SAMMSON: variants seen among roughly 807,000 people sequenced by gnomAD.
The protein encoded by SAMMSON is survival associated mitochondrial melanoma specific oncogenic non-coding RNA.
chr3:70,404,360 G>T (rs1385000445), intron 2 of SAMMSON, among the ~76,000 whole-genome samples: 2 of 152,040 alleles, frequency 1.3e-5, no homozygotes, highest in African/African-American at 4.8e-5. Flanking sequence ...AAACATTAAT[G>T]GACATTATAT....
intron 3 of SAMMSON, among the ~76,000 whole-genome samples, chr3:70,049,441 G>A (rs989081724): frequency 7.9e-5 from 12 of 152,278 alleles, no homozygotes; most frequent in African/African-American, 2.9e-4. Context: ...AATGATTAAT[G>A]ATACAGGCTT....
chr3:70,136,340 C>T (rs2067505700), intron 4 of SAMMSON, among the ~76,000 whole-genome samples: 1 of 152,270 alleles, frequency 6.6e-6, no homozygotes, highest in African/African-American at 2.4e-5. Flanking sequence ...TTTGTACCCT[C>T]ATCCTGGGGG....
At chr3:70,297,607 A>G (rs950904849) in intron 7 of SAMMSON, among the ~76,000 whole-genome samples, 1 of 152,156 alleles carries the variant, frequency 6.6e-6, no homozygotes, top group African/African-American at 2.4e-5. Context: ...AATGAAATGC[A>G]TTAAATTCTT....
At chr3:70,124,715 T>G (rs2067448500) in intron 4 of SAMMSON, among the ~76,000 whole-genome samples, 1 of 146,184 alleles carries the variant, frequency 6.8e-6, no homozygotes, top group Non-Finnish European at 1.5e-5. Flanking sequence ...CTTGGGAGGC[T>G]GAGGCAGGAG....
chr3:70,099,490 C>G (rs983431558), intron 4 of SAMMSON, among the ~76,000 whole-genome samples: 1 of 152,210 alleles, frequency 6.6e-6, no homozygotes, highest in East Asian at 1.9e-4. Flanking sequence ...TTTCTATGGT[C>G]ATTTAGGGTT....
At position 70,342,558 on chromosome 3, in the gene SAMMSON, T is replaced by C. The variant is rs534448079; in HGVS notation, n.740-11617T>C. ...TGAAGAACTCAATTGCCACTTTTTTTTCACTAAATTGATTGATTAATGGCT... is the reference window on the plus strand; with the variant it reads ...TGAAGAACTCAATTGCCACTTTTTTCTCACTAAATTGATTGATTAATGGCT... On this transcript the variant is annotated intron_variant and non_coding_transcript_variant, in intron 7 of 9. Coordinates refer to ENST00000642114, the Ensembl canonical transcript of SAMMSON. Among the ~76,000 whole-genome samples the C allele has an allele frequency of 6.6e-5, 10 of 152,332 alleles. 1 individual carries two copies. In the South Asian group the frequency reaches 2.1e-3, roughly 32 times the overall value.
intron 4 of SAMMSON, chr3:70,126,605 C>T (rs1467385203): frequency 2.3e-5 from 9 of 384,738 alleles, no homozygotes; most frequent in Non-Finnish European, 4.3e-5. Context: ...TGATAGAGAG[C>T]TGGCATTTTC....
intron 7 of SAMMSON, chr3:70,292,130 C>G (rs1440249467): frequency 6.6e-6 from 1 of 152,170 alleles, no homozygotes; most frequent in Non-Finnish European, 1.5e-5. Context: ...AGCTCTGCAT[C>G]TCCCTTATGG....
At chr3:70,003,021 T>G (rs2107573966) in intron 1 of SAMMSON, among the ~76,000 whole-genome samples, 1 of 152,268 alleles carries the variant, frequency 6.6e-6, no homozygotes, top group African/African-American at 2.4e-5. Context: ...GATTCATGTA[T>G]TTTGAGGTTA....
chr3:70,429,546 A>G (rs1324269853), intron 2 of SAMMSON, among the ~76,000 whole-genome samples: 1 of 152,180 alleles, frequency 6.6e-6, no homozygotes, highest in Non-Finnish European at 1.5e-5. Flanking sequence ...GAATCTATAA[A>G]TTACTTTGGG....
At chr3:70,356,575 T>C (rs1702830855) in intron 8 of SAMMSON, among the ~76,000 whole-genome samples, 1 of 152,184 alleles carries the variant, frequency 6.6e-6, no homozygotes, top group Non-Finnish European at 1.5e-5. Context: ...TCAGCTCCTT[T>C]CTCTGGTCTT....
chr3:70,265,441 G>C (rs1264044310), intron 6 of SAMMSON, among the ~76,000 whole-genome samples: 3 of 152,058 alleles, frequency 2.0e-5, no homozygotes, highest in Non-Finnish European at 4.4e-5. Flanking sequence ...TTTAGGATTT[G>C]ATGACCACCA....
chr3:70,137,634 C>T (rs1236723204), intron 4 of SAMMSON: 1 of 152,048 alleles, frequency 6.6e-6, no homozygotes, highest in Non-Finnish European at 1.5e-5. Flanking sequence ...TTACACTGTC[C>T]AATGGAAATA....
At chr3:70,199,558 A>C (rs1465743541) in intron 4 of SAMMSON, among the ~76,000 whole-genome samples, 3 of 152,166 alleles carry the variant, frequency 2.0e-5, no homozygotes, top group East Asian at 3.9e-4. Context: ...TAATGAATTG[A>C]AAACAGATTT....
intron 4 of SAMMSON, among the ~76,000 whole-genome samples, chr3:70,137,942 T>C (rs2059435803): frequency 6.6e-6 from 1 of 152,160 alleles, no homozygotes; most frequent in Non-Finnish European, 1.5e-5. Context: ...TTTTTAAGTA[T>C]ATAGCTTGCT....
intron 4 of SAMMSON, among the ~76,000 whole-genome samples, chr3:70,235,681 C>T (rs1452849638): frequency 2.0e-5 from 3 of 152,282 alleles, no homozygotes; most frequent in African/African-American, 2.4e-5. Context: ...TGTTAGTCTG[C>T]ACAATGTGTA....
chr3:70,285,093 C>T (rs1702129937), intron 6 of SAMMSON, among the ~76,000 whole-genome samples: 2 of 149,924 alleles, frequency 1.3e-5, no homozygotes, highest in Admixed American at 1.3e-4. Context: ...TTTTAGGGTA[C>T]ATGTGCACAT....
chr3:70,116,915 G>A (rs559192650), intron 4 of SAMMSON, among the ~76,000 whole-genome samples: 1 of 152,204 alleles, frequency 6.6e-6, no homozygotes, highest in African/African-American at 2.4e-5. Context: ...AATTATTAAA[G>A]CTCTATCTTT....
intron 4 of SAMMSON, among the ~76,000 whole-genome samples, chr3:70,105,980 G>T (rs1465461674): frequency 6.6e-6 from 1 of 151,964 alleles, no homozygotes; most frequent in Non-Finnish European, 1.5e-5. Flanking sequence ...CGATATAGTT[G>T]GTGCTCCCTA....
Sources: gnomAD v4.1 joint callset for allele counts (sites outside exome capture counted in the v4.1 genomes callset) on GRCh38, gnomAD v4.1.1 for gene constraint, MANE v1.5 for transcripts, NCBI Gene and HGNC (gene_info 2026-07-23, HGNC 2026-07-21) for gene names.